RPF1: variants seen among roughly 807,000 people sequenced by gnomAD.
RPF1 encodes the protein ribosome production factor 1 homolog, also known as ribosome production factor 1.
A neutral mutation model predicts 41.9 loss-of-function variants in RPF1; 34 were observed. The observed-to-expected ratio is 0.81, with a 90% confidence interval of 0.62 to 1.08. RPF1 has a LOEUF of 1.08. Ranked by LOEUF, RPF1 falls within the 50% of genes least tolerant of loss-of-function variation. RPF1 has a pLI of 0.00. For synonymous variants in RPF1, 140 were observed against 148.9 expected (o/e 0.94, Z 0.43); for missense variants, 425 against 435.2 (o/e 0.98, Z 0.21).
intron 2 of RPF1, 36 bp downstream of exon 2, chr1:84,481,048 A>G (rs780652964): frequency 1.7e-6 from 2 of 1,175,166 alleles, no homozygotes; most frequent in South Asian, 1.3e-5. Flanking sequence ...TTTCTATCTT[A>G]TATTAGGGAA....
intron 8 of RPF1, among the ~76,000 whole-genome samples, chr1:84,496,877 TTTTG>T (rs1242472105): frequency 2.0e-5 from 3 of 152,092 alleles, no homozygotes; most frequent in East Asian, 1.9e-4. Flanking sequence ...GTTGTTGTTG[TTTTG>T]TTTTTTTTGA....
rs1457966351 is a variant in RPF1, at chr1:84,497,561, C to T, written c.*91C>T. The T allele has an allele frequency of 2.1e-6, 2 of 950,808 alleles. No individual in the cohort carries two copies. Among genetic ancestry groups the T allele is most frequent in the East Asian group, 2.7e-5 (1 of 36,822 alleles). The allele number at this position is 950,808 out of a possible 1,614,324, so 58.9% of individuals were successfully genotyped here. A position where few individuals can be genotyped will look rare whatever the true frequency, so the allele number is the denominator to read the frequency against. On this transcript the variant is annotated 3_prime_UTR_variant, in exon 9 of 9. Coordinates refer to ENST00000370654, the MANE Select transcript of RPF1 (RefSeq NM_025065.7). ...TGACAGAATACTCTTTTCAAAATGG[C>T]ATTTGCTGATTTCATAAACCTTTCA...
intron 3 of RPF1, among the ~76,000 whole-genome samples, chr1:84,487,114 C>G (rs1015180381): frequency 2.6e-5 from 4 of 152,078 alleles, no homozygotes; most frequent in Non-Finnish European, 5.9e-5. Context: ...GGGTAACAGG[C>G]ATATCAAGGG....
intron 2 of RPF1, 96 bp downstream of exon 2, chr1:84,481,108 C>A: frequency 4.4e-6 from 3 of 681,420 alleles, no homozygotes; most frequent in African/African-American, 1.8e-5. Flanking sequence ...TTTATTATTA[C>A]GTATTTCAGA....
At chr1:84,480,349 G>A (rs2101881085) in intron 1 of RPF1, among the ~76,000 whole-genome samples, 1 of 152,130 alleles carries the variant, frequency 6.6e-6, no homozygotes, top group Non-Finnish European at 1.5e-5. Context: ...AGTAGGTGCT[G>A]GGGAAAAAAG....
At chr1:84,493,464 C>T (rs1384504197) in intron 5 of RPF1, among the ~76,000 whole-genome samples, 1 of 151,628 alleles carries the variant, frequency 6.6e-6, no homozygotes, top group Non-Finnish European at 1.5e-5. Context: ...GGGCATGATG[C>T]CTGTAGTCCC....
chr1:84,481,064 C>T, intron 2 of RPF1, 52 bp downstream of exon 2: 1 of 918,660 alleles, frequency 1.1e-6, no homozygotes, highest in Non-Finnish European at 1.7e-6. Flanking sequence ...GGGAATCCCT[C>T]CTGATATTTA....
chr1:84,497,622 C>G lies in RPF1; in HGVS notation c.*152C>G. Reference sequence around the variant, plus strand: ...AATTACCAAATGCCATGAATTGCCACTGTGTGTTTATGTAGAAAATACAAA... The same window carrying G: ...AATTACCAAATGCCATGAATTGCCAGTGTGTGTTTATGTAGAAAATACAAA... On this transcript the variant is annotated 3_prime_UTR_variant, in exon 9 of 9. Coordinates refer to ENST00000370654, the MANE Select transcript of RPF1 (RefSeq NM_025065.7). 1.9e-6 allele frequency: 1 copy of G among 516,770 alleles called. No homozygotes were observed. The highest frequency in any genetic ancestry group is 3.9e-5 in the Admixed American group (1 of 25,600). The allele number at this position is 516,770 out of a possible 1,614,324, so 32.0% of individuals were successfully genotyped here.
intron 2 of RPF1, among the ~76,000 whole-genome samples, 180 bp from the exon 3 acceptor site, chr1:84,482,735 A>T (rs1681672965): frequency 7.0e-6 from 1 of 141,926 alleles, no homozygotes; most frequent in South Asian, 2.2e-4. Flanking sequence ...CAGATTGTTT[A>T]AAAAAAAAAA....
At chr1:84,489,611 T>A (rs1433803163) in intron 3 of RPF1, 22 bp from the exon 4 acceptor site, 1 of 1,386,634 alleles carries the variant, frequency 7.2e-7, no homozygotes, top group South Asian at 1.2e-5. Flanking sequence ...GATGTAAAAT[T>A]ATTCCTCTTC....
chr1:84,496,155 T>C, intron 7 of RPF1, 89 bp from the exon 8 acceptor site: 1 of 1,467,776 alleles, frequency 6.8e-7, no homozygotes, highest in East Asian at 2.3e-5. Flanking sequence ...GCAAGTATCA[T>C]ACAAGATAAA....
chr1:84,497,516 G>T lies in RPF1; in HGVS notation c.*46G>T, dbSNP rs183007256. On this transcript the variant is annotated 3_prime_UTR_variant, in exon 9 of 9. Transcript: ENST00000370654. The stretch of plus-strand genomic sequence containing the variant: ...GGATTTTGCTGAACAGGCCTATCTT[G>T]AACTTTGGTAAATTATTTTTGACAG... 94 of 1,377,166 alleles carry T rather than the reference G, an allele frequency of 6.8e-5. No individual in the cohort carries two copies. The African/African-American group carries it at 1.2e-3, about 18-fold the overall frequency. 85.3% of individuals were successfully genotyped at this position (1,377,166 alleles called of 1,614,324 possible).
At chr1:84,485,882 G>C (rs994696547) in intron 3 of RPF1, among the ~76,000 whole-genome samples, 1 of 152,112 alleles carries the variant, frequency 6.6e-6, no homozygotes, top group African/African-American at 2.4e-5. Flanking sequence ...TTTTGAATGA[G>C]GTTGAACATC....
Position 84,479,311 on chromosome 1 carries a change from C to A in RPF1, c.30C>A (p.Ser10Arg), listed in dbSNP as rs757330688. ...CGAAAGCCGGGGATAAGAGCAGCAGCAGCGGGAAGAAAAGTCTAAAACGGA... is the reference window on the plus strand; with the variant it reads ...CGAAAGCCGGGGATAAGAGCAGCAGAAGCGGGAAGAAAAGTCTAAAACGGA... The part of the protein sequence containing the change: MAKAGDKSS[S>R]SGKKSLKRKA... The change falls in exon 1 of 9, where the codon AGC becomes AGA. Residue 10 changes from serine (S) to arginine (R), a missense_variant. Physicochemically the swap from Ser to Arg is moderately radical, Grantham distance 110. Coordinates refer to ENST00000370654, the MANE Select transcript of RPF1 (RefSeq NM_025065.7). 1.9e-6 allele frequency: 3 copies of A among 1,608,272 alleles called. No individual in the cohort carries two copies. The highest frequency in any genetic ancestry group is 2.5e-6 in the Non-Finnish European group (3 of 1,177,252).
intron 3 of RPF1, among the ~76,000 whole-genome samples, chr1:84,484,476 T>TCTTTAACTTC (rs1449255048): frequency 1.3e-5 from 2 of 152,102 alleles, no homozygotes; most frequent in Admixed American, 1.3e-4. Flanking sequence ...TTGTAATTAC[T>TCTTTAACTTC]CTTTAACTTC....
Position 84,497,514 on chromosome 1 carries a change from T to G in RPF1, c.*44T>G, listed in dbSNP as rs375741562. 5.7e-6 allele frequency: 8 copies of G among 1,402,660 alleles called. No homozygotes were observed. The African/African-American group carries it at 1.2e-4, about 20-fold the overall frequency. 86.9% of individuals were successfully genotyped at this position (1,402,660 alleles called of 1,614,324 possible). ...TTGGATTTTGCTGAACAGGCCTATCTTGAACTTTGGTAAATTATTTTTGAC... is the reference window on the plus strand; with the variant it reads ...TTGGATTTTGCTGAACAGGCCTATCGTGAACTTTGGTAAATTATTTTTGAC... On this transcript the variant is annotated 3_prime_UTR_variant, in exon 9 of 9. Coordinates refer to ENST00000370654, the MANE Select transcript of RPF1 (RefSeq NM_025065.7).
chr1:84,480,301 C>G (rs1681620420), intron 1 of RPF1, among the ~76,000 whole-genome samples: 1 of 152,060 alleles, frequency 6.6e-6, no homozygotes, highest in South Asian at 2.1e-4. Context: ...CTTATTGGAG[C>G]TATGATTTCT....
chr1:84,493,583 G>A (rs1254681968), intron 5 of RPF1, among the ~76,000 whole-genome samples: 2 of 139,148 alleles, frequency 1.4e-5, no homozygotes, highest in Non-Finnish European at 3.1e-5. Context: ...GAGTGAGACC[G>A]TCTCAAAAAA....
chr1:84,485,084 T>G (rs1681713445), intron 3 of RPF1, among the ~76,000 whole-genome samples: 1 of 151,946 alleles, frequency 6.6e-6, no homozygotes, highest in African/African-American at 2.4e-5. Flanking sequence ...TTCATATACA[T>G]CTTATACACA....
Sources: allele counts gnomAD v4.1 joint callset (sites outside exome capture counted in the v4.1 genomes callset), GRCh38; gene constraint gnomAD v4.1.1; transcripts MANE v1.5; gene names NCBI Gene and HGNC (gene_info 2026-07-23, HGNC 2026-07-21).